PDZRN4: variants seen among roughly 807,000 people sequenced by gnomAD.
PDZRN4 encodes the protein PDZ domain containing ring finger 4.
Under a neutral mutation model 99.0 loss-of-function variants are expected in PDZRN4, and 70 were observed. The ratio of observed to expected loss-of-function variants is 0.71; its 90% CI spans 0.58 to 0.86. The LOEUF is 0.86. PDZRN4 is among the 40% of genes least tolerant of loss of function. The pLI is 0.00. For synonymous variants in PDZRN4, 551 were observed against 501.6 expected (o/e 1.10, Z -1.32); for missense variants, 1,474 against 1,331.2 (o/e 1.11, Z -1.67).
At chr12:41,271,838 C>A (rs908069827) in intron 3 of PDZRN4, among the ~76,000 whole-genome samples, 6 of 152,058 alleles carry the variant, frequency 3.9e-5, no homozygotes, top group African/African-American at 7.2e-5. Flanking sequence ...CAAATACACT[C>A]CCCTCAGAGG....
At chr12:41,370,728 A>G (rs199544498) in intron 3 of PDZRN4, among the ~76,000 whole-genome samples, 1 of 151,932 alleles carries the variant, frequency 6.6e-6, no homozygotes, top group East Asian at 1.9e-4. Context: ...CTTGGTCTTC[A>G]TAATTACCTG....
chr12:41,416,742 G>A (rs185253473), intron 3 of PDZRN4, among the ~76,000 whole-genome samples: 5 of 152,248 alleles, frequency 3.3e-5, no homozygotes, highest in African/African-American at 1.2e-4. Flanking sequence ...AGCCACAGGC[G>A]GTTGCTACAA....
At position 41,188,735 on chromosome 12, in the gene PDZRN4, C is replaced by A; in HGVS notation, c.280C>A (p.Leu94Met). 1 of 1,544,534 alleles carries A rather than the reference C, an allele frequency of 6.5e-7. No individual in the cohort carries two copies. The highest frequency in any genetic ancestry group is 8.6e-7 in the Non-Finnish European group (1 of 1,156,640). Residue 94 changes from leucine to methionine, a missense_variant, in exon 1 of 10, where the codon CTG becomes ATG. Leu to Met is a conservative substitution (Grantham distance 15). Transcript: ENST00000402685. ...CCGCGGCTGCGGCCACTCGGTCAGG[C>A]TGCACGAGCTGGAGGCGCACGTCGA... ...RARGCGHSVRLHELEAHVEHC... is the reference protein window; with the variant it reads ...RARGCGHSVRMHELEAHVEHC...
At chr12:41,234,560 T>C (rs889405678) in intron 3 of PDZRN4, among the ~76,000 whole-genome samples, 2 of 152,096 alleles carry the variant, frequency 1.3e-5, no homozygotes, top group African/African-American at 2.4e-5. Flanking sequence ...TTAATGATGG[T>C]TTCTGGATTC....
intron 7 of PDZRN4, among the ~76,000 whole-genome samples, chr12:41,557,832 A>G (rs1016513266): frequency 5.3e-5 from 8 of 152,222 alleles, no homozygotes; most frequent in African/African-American, 1.7e-4. Context: ...ATAGTGATCT[A>G]TAGTAAACAA....
At chr12:41,266,705 T>C (rs182798864) in intron 3 of PDZRN4, among the ~76,000 whole-genome samples, 67 of 152,352 alleles carry the variant, frequency 4.4e-4, no homozygotes, top group Non-Finnish European at 1.3e-4. Flanking sequence ...GACTGATCTG[T>C]TTTTTAAATC....
chr12:41,226,345 T>A (rs1254002473), intron 3 of PDZRN4, among the ~76,000 whole-genome samples: 1 of 152,258 alleles, frequency 6.6e-6, no homozygotes, highest in East Asian at 1.9e-4. Context: ...TACTGCATTA[T>A]GTACCTAGAT....
At chr12:41,431,666 T>C (rs1023488482) in intron 3 of PDZRN4, among the ~76,000 whole-genome samples, 17 of 152,230 alleles carry the variant, frequency 1.1e-4, no homozygotes, top group Admixed American at 3.3e-4. Context: ...TTTCTTTCCA[T>C]TGGAGTCTAG....
chr12:41,217,950 A>G (rs1353888482), intron 3 of PDZRN4, among the ~76,000 whole-genome samples: 1 of 152,064 alleles, frequency 6.6e-6, no homozygotes. Flanking sequence ...TCCCCACCAA[A>G]ATGGAAAAGG....
intron 3 of PDZRN4, among the ~76,000 whole-genome samples, chr12:41,251,103 C>A (rs994681190): frequency 6.6e-6 from 1 of 152,082 alleles, no homozygotes; most frequent in African/African-American, 2.4e-5. Flanking sequence ...TTAAAATTTC[C>A]ATTAAAAGCT....
At chr12:41,526,844 C>T (rs904088000) in intron 5 of PDZRN4, among the ~76,000 whole-genome samples, 13 of 152,148 alleles carry the variant, frequency 8.5e-5, no homozygotes, top group African/African-American at 3.1e-4. Context: ...TTTGCTCTTA[C>T]ATCCAAAGAT....
chr12:41,492,377 G>A (rs1261722162), intron 3 of PDZRN4, among the ~76,000 whole-genome samples: 1 of 152,116 alleles, frequency 6.6e-6, no homozygotes, highest in East Asian at 1.9e-4. Context: ...ATTAAGAAAA[G>A]GGTCAGAAGA....
chr12:41,442,619 C>T (rs1952688741), intron 3 of PDZRN4, among the ~76,000 whole-genome samples: 1 of 152,168 alleles, frequency 6.6e-6, no homozygotes, highest in Admixed American at 6.5e-5. Flanking sequence ...CTGTCTTCCT[C>T]TCTACTTTAT....
At chr12:41,571,466 T>C (rs1378400136) in intron 9 of PDZRN4, among the ~76,000 whole-genome samples, 1 of 151,862 alleles carries the variant, frequency 6.6e-6, no homozygotes, top group Non-Finnish European at 1.5e-5. Context: ...CAAAATTTTT[T>C]TGATATTATG....
intron 3 of PDZRN4, among the ~76,000 whole-genome samples, chr12:41,248,517 GC>G (rs5797717): frequency 0.41 from 62,690 of 151,978 alleles, 14,688 homozygotes; most frequent in South Asian, 0.55. Flanking sequence ...AGCAGTAATA[GC>G]CAAGATTTTA....
chr12:41,274,077 C>A (rs1270764394), intron 3 of PDZRN4, among the ~76,000 whole-genome samples: 2 of 151,982 alleles, frequency 1.3e-5, no homozygotes, highest in Non-Finnish European at 2.9e-5. Flanking sequence ...TAAGTAAGGA[C>A]ATTATATATT....
rs138697270 is a variant in PDZRN4, at chr12:41,320,600, A to T, written c.843+126412A>T. 4.1e-3 allele frequency among the ~76,000 whole-genome samples: 621 copies of T among 152,276 alleles called. 7 individuals carry two copies. Among genetic ancestry groups the T allele is most frequent in the African/African-American group, 0.014 (594 of 41,556 alleles). On this transcript the variant is annotated intron_variant, in intron 3 of 9. Transcript: ENST00000402685. ...GACCCTGGGCACCTGGTCAGAAGGG[A>T]GACATGTATTTCCAGTTGACCTCAG... is the stretch of plus-strand genomic sequence containing the variant.
intron 3 of PDZRN4, among the ~76,000 whole-genome samples, chr12:41,429,465 T>C (rs776991065): frequency 6.6e-5 from 10 of 152,200 alleles, no homozygotes; most frequent in Non-Finnish European, 1.2e-4. Flanking sequence ...AATTTTAGAC[T>C]ACGATTCCAG....
At chr12:41,407,657 G>A (rs1435580020) in intron 3 of PDZRN4, among the ~76,000 whole-genome samples, 1 of 151,702 alleles carries the variant, frequency 6.6e-6, no homozygotes, top group African/African-American at 2.4e-5. Context: ...AAAGATTAAA[G>A]GCAGGTTCAG....
Sources: allele counts gnomAD v4.1 joint callset (sites outside exome capture counted in the v4.1 genomes callset), GRCh38; gene constraint gnomAD v4.1.1; transcripts MANE v1.5; gene names NCBI Gene and HGNC (gene_info 2026-07-23, HGNC 2026-07-21).